The following NRBP2 variants were observed in gnomAD, a reference collection of about 807,000 sequenced individuals.
NRBP2 encodes the protein nuclear receptor binding protein 2.
A neutral mutation model predicts 74.4 loss-of-function variants in NRBP2; 47 were observed. The ratio of observed to expected loss-of-function variants is 0.63; its 90% CI spans 0.50 to 0.81. NRBP2 has a LOEUF of 0.81. Ranked by LOEUF, NRBP2 falls within the 30% of genes least tolerant of loss-of-function variation. NRBP2 has a pLI of 0.00. For missense variants in NRBP2, 613 were observed against 690.1 expected (o/e 0.89, Z 1.25); for synonymous variants, 312 against 273.8 (o/e 1.14, Z -1.38).
downstream of NRBP2, among the ~76,000 whole-genome samples, chr8:143,830,854 A>G (rs1038586207): frequency 5.3e-5 from 8 of 152,340 alleles, no homozygotes; most frequent in Middle Eastern, 3.4e-3. Flanking sequence ...AGAGAAAGAA[A>G]CCTCGGGATG....
chr8:143,838,738 C>A lies in NRBP2; in HGVS notation c.782G>T (p.Arg261Leu), dbSNP rs1554652590. 6.2e-7 allele frequency: 1 copy of A among 1,613,186 alleles called. No homozygotes were observed. Among genetic ancestry groups the A allele is most frequent in the African/African-American group, 1.3e-5 (1 of 74,916 alleles). Residue 261 changes from arginine (R) to leucine (L), a missense_variant, in exon 10 of 18, where the codon CGG becomes CTG. This residue lies in a region of NRBP2 where 332 missense variants were observed against 429.2 expected (regional missense o/e 0.77). Transcript: ENST00000442628. Reference protein sequence around the residue: ...VLEIQTNGDTRVTEEAIARAR... With the variant: ...VLEIQTNGDTLVTEEAIARAR... ...GCGAGCAATGGCCTCCTCTGTGACC[C>A]GGGTGTCCCCATTGGTCTGGATTTC...
downstream of NRBP2, among the ~76,000 whole-genome samples, chr8:143,831,684 A>T (rs189265553): frequency 1.5e-3 from 225 of 152,372 alleles, 1 homozygote; most frequent in Non-Finnish European, 2.5e-3. Flanking sequence ...AAATAAGGAA[A>T]TGAGAGAAAT....
In NRBP2 at chr8:143,833,816, A is replaced by G. The variant is rs558860323; in HGVS notation, c.*1846T>C. On this transcript the variant is annotated 3_prime_UTR_variant, in exon 18 of 18. Transcript: ENST00000442628. ...CCACTGAAACCATTTAGAACCATGC[A>G]TAATCAGACAGTTTAGCATGAGGGT... 1 of 152,232 alleles carries G rather than the reference A, an allele frequency of 6.6e-6. No homozygotes were observed. The highest frequency in any genetic ancestry group is 1.5e-5 in the Non-Finnish European group (1 of 68,042). The allele number at this position is 152,232 out of a possible 1,614,324, so 9.4% of individuals were successfully genotyped here.
In NRBP2 at chr8:143,839,278, G is replaced by A. The variant is rs1563863934; in HGVS notation, c.580+36C>T. The A allele has an allele frequency of 2.0e-6, 3 of 1,535,544 alleles. No individual in the cohort carries two copies. The highest frequency in any genetic ancestry group is 1.2e-5 in the South Asian group (1 of 84,120). ...CCCTTGGCTCCAGGCACCTTCCCCTGCCCCGTTCCCCCACCCAGCCCTGCC... is the reference window on the plus strand; with the variant it reads ...CCCTTGGCTCCAGGCACCTTCCCCTACCCCGTTCCCCCACCCAGCCCTGCC... On this transcript the variant is annotated intron_variant, in intron 6 of 17. Coordinates refer to ENST00000442628, the MANE Select transcript of NRBP2 (RefSeq NM_178564.4). This position sits in a 1 kb window ranked among gnomAD's most constrained non-coding sequence, Gnocchi z 5.1.
rs1032633112 is a variant in NRBP2, at chr8:143,835,216, G to A, written c.*446C>T. ...GTGCAGGCTCCTTGTGTGGGTCTAT[G>A]GTGCCAGCAGGGGATGGCTGCTCTC... On this transcript the variant is annotated 3_prime_UTR_variant, in exon 18 of 18. Transcript: ENST00000442628. The surrounding 1 kb of genome is among the most constrained non-coding windows in gnomAD (Gnocchi z 4.9). 2 of 201,334 alleles carry A rather than the reference G, an allele frequency of 9.9e-6. No individual in the cohort carries two copies. Among genetic ancestry groups the A allele is most frequent in the Non-Finnish European group, 2.0e-5 (2 of 98,192 alleles). 12.5% of individuals were successfully genotyped at this position (201,334 alleles called of 1,614,324 possible).
rs919413300 is a variant in NRBP2, at chr8:143,839,610, G to A, written c.445-61C>T. 1 of 1,509,094 alleles carries A rather than the reference G, an allele frequency of 6.6e-7. No individual in the cohort carries two copies. Among genetic ancestry groups the A allele is most frequent in the East Asian group, 2.5e-5 (1 of 40,586 alleles). 93.5% of individuals were successfully genotyped at this position (1,509,094 alleles called of 1,614,324 possible). On this transcript the variant is annotated intron_variant, in intron 4 of 17. Coordinates refer to ENST00000442628, the MANE Select transcript of NRBP2 (RefSeq NM_178564.4). The surrounding 1 kb of genome is among the most constrained non-coding windows in gnomAD (Gnocchi z 5.1). ...GCGCAGGAGAGGCGGCTGGGCCTGCGGAGCCCGCCCCGCATCCTCGCCCAG... is the reference window on the plus strand; with the variant it reads ...GCGCAGGAGAGGCGGCTGGGCCTGCAGAGCCCGCCCCGCATCCTCGCCCAG...
Position 143,840,960 on chromosome 8 carries a change from C to T in NRBP2, c.-126G>A, listed in dbSNP as rs1234434185. ...GCCGCGGCAGCCTAGAGCCCCAGCC[C>T]CGGCTCTGGGAATTGGGAGGCGCGG... is the stretch of plus-strand genomic sequence containing the variant. On this transcript the variant is annotated 5_prime_UTR_variant, in exon 1 of 18. Coordinates refer to ENST00000442628, the MANE Select transcript of NRBP2 (RefSeq NM_178564.4). The surrounding 1 kb of genome is among the most constrained non-coding windows in gnomAD (Gnocchi z 5.7). 8.8e-7 allele frequency: 1 copy of T among 1,130,062 alleles called. No homozygotes were observed. Among genetic ancestry groups the T allele is most frequent in the Non-Finnish European group, 1.1e-6 (1 of 923,358 alleles). The allele number at this position is 1,130,062 out of a possible 1,614,324, so 70.0% of individuals were successfully genotyped here.
chr8:143,830,773 G>A (rs375778392), downstream of NRBP2, among the ~76,000 whole-genome samples: 18 of 152,312 alleles, frequency 1.2e-4, no homozygotes, highest in South Asian at 1.5e-3. Flanking sequence ...AAACAGAGAC[G>A]ATAAAGGAAG....
In NRBP2 at chr8:143,835,719, C is replaced by T. The variant is rs782460486; in HGVS notation, c.1449G>A (p.Met483Ile). The change falls in exon 18 of 18, where the codon ATG (methionine) becomes ATA (isoleucine). Residue 483 changes from methionine to isoleucine, a missense_variant. This residue lies in a region of NRBP2 where 281 missense variants were observed against 260.9 expected (regional missense o/e 1.08). Coordinates refer to ENST00000442628, the MANE Select transcript of NRBP2 (RefSeq NM_178564.4). The surrounding 1 kb of genome is among the most constrained non-coding windows in gnomAD (Gnocchi z 4.9). ...HYGFLHEDDR[M>I]KLAAFLESTF... ...TGCTCTCCAGGAAGGCGGCCAGCTT[C>T]ATCCGGTCGTCCTGCGGAAGGAGGG... 3 of 1,600,438 alleles carry T rather than the reference C, an allele frequency of 1.9e-6. No individual in the cohort carries two copies. The highest frequency in any genetic ancestry group is 3.5e-5 in the Admixed American group (2 of 57,188).
intron 10 of NRBP2, 45 bp downstream of exon 10, chr8:143,838,635 T>C: frequency 6.9e-7 from 1 of 1,445,258 alleles, no homozygotes; most frequent in Non-Finnish European, 9.6e-7. Flanking sequence ...TAGCCCTAGC[T>C]GAGCACGGTG....
At position 143,836,117 on chromosome 8, in the gene NRBP2, C is replaced by T. The variant is rs781915681; in HGVS notation, c.1317+10G>A. ...CCCACGGCAGCGCCGCCCTCCCAGG[C>T]CCCGCTCACATGCCAGCGCGCCTTG... is the stretch of plus-strand genomic sequence containing the variant. On this transcript the variant is annotated intron_variant, in intron 15 of 17. Coordinates refer to ENST00000442628, the MANE Select transcript of NRBP2 (RefSeq NM_178564.4). The T allele has an allele frequency of 4.4e-6, 7 of 1,601,578 alleles. No homozygotes were observed. Among genetic ancestry groups the T allele is most frequent in the African/African-American group, 1.4e-5 (1 of 73,484 alleles).
In NRBP2 at chr8:143,840,903, T is replaced by C; in HGVS notation, c.-69A>G. On this transcript the variant is annotated 5_prime_UTR_variant, in exon 1 of 18. Transcript: ENST00000442628. The surrounding 1 kb of genome is among the most constrained non-coding windows in gnomAD (Gnocchi z 5.7). Reference sequence around the variant, plus strand: ...CGGCGCAGCCTCTCCCGGCCCGCCCTGGCCTCGCGCCCAGCAGCCCAGCCT... The same window carrying C: ...CGGCGCAGCCTCTCCCGGCCCGCCCCGGCCTCGCGCCCAGCAGCCCAGCCT... The C allele has an allele frequency of 8.1e-7, 1 of 1,227,472 alleles. No homozygotes were observed. The allele number at this position is 1,227,472 out of a possible 1,614,324, so 76.0% of individuals were successfully genotyped here.
At position 143,835,824 on chromosome 8, in the gene NRBP2, T is replaced by C; in HGVS notation, c.1433A>G (p.His478Arg). ...GCGCCGCACCGCCCAGCGCACCTCG[T>C]GGAGGAAGCCATAGTGCACGAGCTC... is the stretch of plus-strand genomic sequence containing the variant. ...ASELVHYGFL[H>R]EDDRMKLAAF... is the part of the protein sequence containing the mutation. Residue 478 changes from histidine to arginine, a missense_variant, in exon 17 of 18, where the codon CAC becomes CGC. Around this residue, in one of 2 missense-constraint regions of NRBP2, gnomAD observed 281 missense variants for 260.9 expected, o/e 1.08. Coordinates refer to ENST00000442628, the MANE Select transcript of NRBP2 (RefSeq NM_178564.4). This position sits in a 1 kb window ranked among gnomAD's most constrained non-coding sequence, Gnocchi z 4.9. 1 of 1,601,244 alleles carries C rather than the reference T, an allele frequency of 6.2e-7. No homozygotes were observed.
downstream of NRBP2, among the ~76,000 whole-genome samples, chr8:143,831,443 AC>A (rs1447490841): frequency 6.6e-6 from 1 of 152,192 alleles, no homozygotes; most frequent in Non-Finnish European, 1.5e-5. Flanking sequence ...TAGTGAGGCC[AC>A]GTCTCTACAA....
downstream of NRBP2, among the ~76,000 whole-genome samples, chr8:143,832,431 T>C (rs559493785): frequency 6.6e-6 from 1 of 152,014 alleles, no homozygotes; most frequent in South Asian, 2.1e-4. Flanking sequence ...TGAGGAGGAT[T>C]AGTAAAAGAG....
chr8:143,835,365 C>A lies in NRBP2; in HGVS notation c.*297G>T. On this transcript the variant is annotated 3_prime_UTR_variant, in exon 18 of 18. Coordinates refer to ENST00000442628, the MANE Select transcript of NRBP2 (RefSeq NM_178564.4). The surrounding 1 kb of genome is among the most constrained non-coding windows in gnomAD (Gnocchi z 4.9). ...CATGCTGAGGAGGCAGTGGCCCCGG[C>A]CAGGCAGCCTGGGTAGGAACTCAGG... The A allele has an allele frequency of 1.9e-6, 1 of 517,714 alleles. No homozygotes were observed. The highest frequency in any genetic ancestry group is 3.5e-6 in the Non-Finnish European group (1 of 289,212). 32.1% of individuals were successfully genotyped at this position (517,714 alleles called of 1,614,324 possible). A position where few individuals can be genotyped will look rare whatever the true frequency, so the allele number is the denominator to read the frequency against.
Position 143,835,720 on chromosome 8 carries a change from A to C in NRBP2, c.1448T>G (p.Met483Arg). Residue 483 changes from methionine to arginine, a missense_variant, in exon 18 of 18, where the codon ATG becomes AGG. Transcript: ENST00000442628. The surrounding 1 kb of genome is among the most constrained non-coding windows in gnomAD (Gnocchi z 4.9). ...GCTCTCCAGGAAGGCGGCCAGCTTC[A>C]TCCGGTCGTCCTGCGGAAGGAGGGA... Reference protein sequence around the residue: ...HYGFLHEDDRMKLAAFLESTF... With the variant: ...HYGFLHEDDRRKLAAFLESTF... 3 of 1,600,400 alleles carry C rather than the reference A, an allele frequency of 1.9e-6. No individual in the cohort carries two copies. Among genetic ancestry groups the C allele is most frequent in the Non-Finnish European group, 2.6e-6 (3 of 1,174,686 alleles).
Position 143,837,091 on chromosome 8 carries a change from A to G in NRBP2, c.1211T>C (p.Val404Ala). 6.2e-7 allele frequency: 1 copy of G among 1,610,556 alleles called. No homozygotes were observed. Among genetic ancestry groups the G allele is most frequent in the Non-Finnish European group, 8.5e-7 (1 of 1,178,936 alleles). Residue 404 changes from valine (V) to alanine (A), a missense_variant, in exon 14 of 18, where the codon GTC (valine) becomes GCC (alanine). Transcript: ENST00000442628. This position sits in a 1 kb window ranked among gnomAD's most constrained non-coding sequence, Gnocchi z 4.3. ...PRVLAPPPEE[V>A]QKAKTPTPEP... Reference sequence around the variant, plus strand: ...TGGCGTCGGGGTCTTGGCCTTTTGGACCTCCTCCGGGGGTGGGGCCAGCAC... The same window carrying G: ...TGGCGTCGGGGTCTTGGCCTTTTGGGCCTCCTCCGGGGGTGGGGCCAGCAC...
chr8:143,832,144 A>G (rs1349055711), downstream of NRBP2, among the ~76,000 whole-genome samples: 1 of 152,150 alleles, frequency 6.6e-6, no homozygotes, highest in Non-Finnish European at 1.5e-5. Flanking sequence ...TCTCTGAAAC[A>G]TGTGCTGTGT....
Sources: gnomAD v4.1 joint callset for allele counts (sites outside exome capture counted in the v4.1 genomes callset) on GRCh38, gnomAD v4.1.1 for gene constraint, gnomAD v4.1.1 regional missense constraint, Gnocchi (gnomAD v3.1) non-coding constraint, MANE v1.5 for transcripts, NCBI Gene and HGNC (gene_info 2026-07-23, HGNC 2026-07-21) for gene names.